The following PALS2 variants were observed in gnomAD, a reference collection of about 807,000 sequenced individuals.
PALS2 encodes the protein protein associated with LIN7 2, MAGUK p55 family member.
A neutral mutation model predicts 61.6 loss-of-function variants in PALS2; 27 were observed. The ratio of observed to expected loss-of-function variants is 0.44; its 90% CI spans 0.32 to 0.60. The LOEUF (loss-of-function observed/expected upper bound fraction) is 0.60, where lower values mean the gene tolerates loss of function less well. PALS2 is among the 20% of genes least tolerant of loss of function. PALS2 has a pLI of 0.05. For synonymous variants in PALS2, 236 were observed against 218.6 expected, an observed-to-expected ratio of 1.08 and a Z score of -0.70; for missense variants, 554 against 639.4, an observed-to-expected ratio of 0.87 and a Z score of 1.44.
At chr7:24,592,107 C>G (rs1783310888) in intron 1 of PALS2, among the ~76,000 whole-genome samples, 1 of 152,086 alleles carries the variant, frequency 6.6e-6, no homozygotes, top group Non-Finnish European at 1.5e-5. Context: ...TTGGGTGACT[C>G]AAATTTTTCA....
chr7:24,665,551 G>T, intron 6 of PALS2, 37 bp from the exon 7 acceptor site: 2 of 1,576,632 alleles, frequency 1.3e-6, no homozygotes, highest in South Asian at 2.2e-5. Flanking sequence ...CTCAAATTTT[G>T]GTCACTGAGA....
At chr7:24,579,624 G>T (rs189376433) in intron 1 of PALS2, among the ~76,000 whole-genome samples, 2 of 151,578 alleles carry the variant, frequency 1.3e-5, no homozygotes, top group Admixed American at 6.6e-5. Context: ...GAGATTTTCC[G>T]ATACTTTGTA....
intron 3 of PALS2, 144 bp from the exon 4 acceptor site, chr7:24,649,468 A>G (rs370030964): frequency 4.4e-6 from 2 of 452,878 alleles, no homozygotes; most frequent in East Asian, 7.2e-5. Context: ...TATTTATTTG[A>G]TCAACCTGAT....
chr7:24,615,711 A>G (rs991643192), intron 1 of PALS2, among the ~76,000 whole-genome samples: 3 of 152,086 alleles, frequency 2.0e-5, no homozygotes, highest in Non-Finnish European at 2.9e-5. Flanking sequence ...CTCATTCTAC[A>G]AGGCCAAAAT....
chr7:24,672,232 TG>T (rs1787334862), intron 9 of PALS2, among the ~76,000 whole-genome samples: 1 of 145,022 alleles, frequency 6.9e-6, no homozygotes, highest in South Asian at 2.1e-4. Flanking sequence ...TGTTTTGTTT[TG>T]TTTTGTTTTG....
Position 24,691,479 on chromosome 7 carries a change from AATGT to A in PALS2, c.*3869_*3872del, listed in dbSNP as rs1344502897. On this transcript the variant is annotated 3_prime_UTR_variant, in exon 12 of 12. Coordinates refer to ENST00000222644, the MANE Select transcript of PALS2 (RefSeq NM_001303037.2). Reference sequence around the variant, plus strand: ...TGTATAATATGTAAAATTCTCCCAAAATGTATGAATATAAAACTGAATGTATTCA... The same window carrying A: ...TGTATAATATGTAAAATTCTCCCAAAATGAATATAAAACTGAATGTATTCA... 3 of 145,456 alleles carry A rather than the reference AATGT, an allele frequency of 2.1e-5. No individual in the cohort carries two copies. Among genetic ancestry groups the A allele is most frequent in the Non-Finnish European group, 4.5e-5 (3 of 66,438 alleles). The allele number at this position is 145,456 out of a possible 1,614,324, so 9.0% of individuals were successfully genotyped here. A position where few individuals can be genotyped will look rare whatever the true frequency, so the allele number is the denominator to read the frequency against.
At chr7:24,665,256 C>T (rs1786953568) in intron 6 of PALS2, among the ~76,000 whole-genome samples, 1 of 152,128 alleles carries the variant, frequency 6.6e-6, no homozygotes, top group Non-Finnish European at 1.5e-5. Flanking sequence ...CTAAAGGGTG[C>T]TAGATAAAAT....
At chr7:24,617,911 G>A (rs147477839) in intron 1 of PALS2, among the ~76,000 whole-genome samples, 1 of 152,312 alleles carries the variant, frequency 6.6e-6, no homozygotes, top group Non-Finnish European at 1.5e-5. Context: ...CTCAGGGGTG[G>A]TGTGCAGCCA....
chr7:24,629,014 AAAG>A (rs1562624794), intron 2 of PALS2, among the ~76,000 whole-genome samples: 1 of 152,222 alleles, frequency 6.6e-6, no homozygotes, highest in African/African-American at 2.4e-5. Flanking sequence ...TGGAACCAAA[AAAG>A]AGCCGGTATA....
In PALS2 at chr7:24,689,699, G is replaced by A. The variant is rs1788382833; in HGVS notation, c.*2085G>A. 1 of 151,302 alleles carries A rather than the reference G, an allele frequency of 6.6e-6. No individual in the cohort carries two copies. The highest frequency in any genetic ancestry group is 2.1e-4 in the South Asian group (1 of 4,796). 9.4% of individuals were successfully genotyped at this position (151,302 alleles called of 1,614,324 possible). ...TGGATTATACTATTTTAATAACAGT[G>A]GAAACTTTCAAACTACATGTGTTTA... On this transcript the variant is annotated 3_prime_UTR_variant, in exon 12 of 12. Transcript: ENST00000222644.
At chr7:24,665,945 C>G in intron 7 of PALS2, 76 bp from the exon 8 acceptor site, 1 of 1,360,212 alleles carries the variant, frequency 7.4e-7, no homozygotes, top group Non-Finnish European at 1.0e-6. Context: ...TTCTCCCACC[C>G]CTGTAAAATA....
At chr7:24,612,684 G>A (rs534972974) in intron 1 of PALS2, among the ~76,000 whole-genome samples, 40 of 151,750 alleles carry the variant, frequency 2.6e-4, no homozygotes, top group African/African-American at 9.4e-4. Flanking sequence ...ATTTTTCTGT[G>A]TTGCTCTTAT....
chr7:24,619,877 C>G (rs1304462977), intron 1 of PALS2, among the ~76,000 whole-genome samples: 1 of 152,080 alleles, frequency 6.6e-6, no homozygotes, highest in Non-Finnish European at 1.5e-5. Flanking sequence ...TTCCCGAAAT[C>G]TCTAAGTAAA....
intron 5 of PALS2, 25 bp downstream of exon 5, chr7:24,650,737 A>G (rs914295482): frequency 2.1e-6 from 3 of 1,401,066 alleles, no homozygotes; most frequent in Admixed American, 2.3e-5. Flanking sequence ...TTTTGGTAGT[A>G]TTAAAAATAC....
At position 24,675,063 on chromosome 7, in the gene PALS2, T is replaced by C. The variant is rs909378760; in HGVS notation, c.1115-4068T>C. Reference sequence around the variant, plus strand: ...TCTCTGTTCTAGAAATGGAAAGCAGTTTAAATATGTGGCAACGTAGATTGT... The same window carrying C: ...TCTCTGTTCTAGAAATGGAAAGCAGCTTAAATATGTGGCAACGTAGATTGT... On this transcript the variant is annotated intron_variant, in intron 9 of 11. Transcript: ENST00000222644. 5.3e-5 allele frequency among the ~76,000 whole-genome samples: 8 copies of C among 152,188 alleles called. No individual in the cohort carries two copies. In the East Asian group the frequency reaches 1.5e-3, roughly 29 times the overall value.
chr7:24,644,176 G>T (rs1442231166), intron 3 of PALS2, among the ~76,000 whole-genome samples: 5 of 150,752 alleles, frequency 3.3e-5, no homozygotes, highest in Non-Finnish European at 1.5e-5. Flanking sequence ...ATGTAATGGG[G>T]GTTTGTTGTA....
chr7:24,659,162 T>C (rs895794878), intron 5 of PALS2, among the ~76,000 whole-genome samples: 3 of 152,212 alleles, frequency 2.0e-5, no homozygotes, highest in Non-Finnish European at 4.4e-5. Context: ...GCTATGTCCA[T>C]GTTGCTTAAA....
chr7:24,649,787 C>T, intron 4 of PALS2, 23 bp downstream of exon 4: 1 of 1,517,828 alleles, frequency 6.6e-7, no homozygotes. Context: ...AAATCAGTAC[C>T]CTATTAAATC....
Position 24,663,731 on chromosome 7 carries a change from C to T in PALS2, c.783+10C>T, listed in dbSNP as rs1035787148. On this transcript the variant is annotated intron_variant, in intron 6 of 11. Coordinates refer to ENST00000222644, the MANE Select transcript of PALS2 (RefSeq NM_001303037.2). ...TCCAAATTGGTGGCAGGTTAGTATG[C>T]TTCTCAGAAGTTCCTCAGCTACTTT... 4 of 1,605,744 alleles carry T rather than the reference C, an allele frequency of 2.5e-6. No homozygotes were observed. The highest frequency in any genetic ancestry group is 1.3e-5 in the African/African-American group (1 of 74,608).
Sources: allele counts gnomAD v4.1 joint callset (sites outside exome capture counted in the v4.1 genomes callset), GRCh38; gene constraint gnomAD v4.1.1; transcripts MANE v1.5; gene names NCBI Gene and HGNC (gene_info 2026-07-23, HGNC 2026-07-21).